SLC8A3: variants seen among roughly 807,000 people sequenced by gnomAD.
SLC8A3 encodes the protein sodium/calcium exchanger 3.
A neutral mutation model predicts 65.4 loss-of-function variants in SLC8A3; 37 were observed. That is an observed-to-expected ratio of 0.57 (90% CI 0.44 to 0.74). The LOEUF is 0.74. Among genes scored for constraint, SLC8A3 ranks in the 30% least tolerant of loss-of-function variants. SLC8A3 has a pLI of 0.00. For missense variants in SLC8A3, 1,112 were observed against 1,172.1 expected (o/e 0.95, Z 0.75); for synonymous variants, 461 against 444.5 (o/e 1.04, Z -0.47).
At chr14:70,145,369 T>A (rs936891473) in intron 2 of SLC8A3, among the ~76,000 whole-genome samples, 1 of 152,226 alleles carries the variant, frequency 6.6e-6, no homozygotes, top group Non-Finnish European at 1.5e-5. Context: ...TTAAATTCAA[T>A]ACATCATTGC....
chr14:70,051,049 G>C lies in SLC8A3; in HGVS notation c.2072C>G (p.Ser691Cys). The change falls in exon 5 of 7, where the codon TCC becomes TGC. Residue 691 changes from serine (S) to cysteine (C), a missense_variant. Coordinates refer to ENST00000356921, the MANE Select transcript of SLC8A3 (RefSeq NM_182932.3). The stretch of plus-strand genomic sequence containing the variant: ...GGCCTCCATGAACTGGTCCCTCCAG[G>C]AATGGGTCCCCACAACCAAGGCCAG... ...TNLALVVGTH[S>C]WRDQFMEAIT... is the part of the protein sequence containing the mutation. The C allele has an allele frequency of 6.2e-7, 1 of 1,613,590 alleles. No homozygotes were observed. Among genetic ancestry groups the C allele is most frequent in the Non-Finnish European group, 8.5e-7 (1 of 1,179,588 alleles).
At chr14:70,135,220 T>A (rs1305483955) in intron 2 of SLC8A3, among the ~76,000 whole-genome samples, 9 of 152,184 alleles carry the variant, frequency 5.9e-5, no homozygotes, top group Admixed American at 5.9e-4. Flanking sequence ...GAATGGCTAT[T>A]ATCAAAAAGA....
intron 2 of SLC8A3, among the ~76,000 whole-genome samples, chr14:70,124,102 C>G (rs181187091): frequency 6.6e-6 from 1 of 152,262 alleles, no homozygotes; most frequent in East Asian, 1.9e-4. Context: ...ATAAACACCC[C>G]CATTTTACAG....
At chr14:70,129,798 A>G (rs985249837) in intron 2 of SLC8A3, among the ~76,000 whole-genome samples, 6 of 152,342 alleles carry the variant, frequency 3.9e-5, no homozygotes, top group Non-Finnish European at 7.4e-5. Flanking sequence ...AGGCAGAGAA[A>G]GGAGGGCATG....
intron 1 of SLC8A3, among the ~76,000 whole-genome samples, chr14:70,173,811 C>G (rs1897698675): frequency 6.6e-6 from 1 of 152,168 alleles, no homozygotes; most frequent in Non-Finnish European, 1.5e-5. Flanking sequence ...GCAGTCCTGT[C>G]CTCGGCAATA....
intron 5 of SLC8A3, among the ~76,000 whole-genome samples, chr14:70,050,154 A>G (rs1263834986): frequency 6.6e-6 from 1 of 151,966 alleles, no homozygotes; most frequent in Non-Finnish European, 1.5e-5. Context: ...AGCAGGGTAG[A>G]TGATGTGGCC....
At position 70,069,986 on chromosome 14, in the gene SLC8A3, A is replaced by G. The variant is rs537349279; in HGVS notation, c.1785-9047T>C. 1.1e-4 allele frequency among the ~76,000 whole-genome samples: 16 copies of G among 152,162 alleles called. No homozygotes were observed. In the South Asian group the frequency reaches 3.1e-3, roughly 30 times the overall value. The stretch of plus-strand genomic sequence containing the variant: ...AAGATCCCCTGGAGAAGTCGCTCTG[A>G]CTCTATTAAAGACCCAGGGAAAGAG... On this transcript the variant is annotated intron_variant, in intron 2 of 6. Transcript: ENST00000356921.
intron 2 of SLC8A3, among the ~76,000 whole-genome samples, chr14:70,063,607 C>T (rs4902772): frequency 0.29 from 44,585 of 152,022 alleles, 6,690 homozygotes; most frequent in East Asian, 0.44. Flanking sequence ...TGCCATGTGT[C>T]AGGCTGGCAG....
intron 2 of SLC8A3, among the ~76,000 whole-genome samples, chr14:70,130,463 A>G (rs1356823579): frequency 1.3e-5 from 2 of 152,058 alleles, no homozygotes; most frequent in African/African-American, 4.8e-5. Context: ...TACAAATGAT[A>G]TTTCTCAGGA....
Position 70,167,806 on chromosome 14 carries a change from G to T in SLC8A3, c.617C>A (p.Thr206Asn), listed in dbSNP as rs1261159035. 1.9e-6 allele frequency: 3 copies of T among 1,614,132 alleles called. No individual in the cohort carries two copies. Among genetic ancestry groups the T allele is most frequent in the Non-Finnish European group, 2.5e-6 (3 of 1,180,016 alleles). The change falls in exon 2 of 7, where the codon ACC becomes AAC. Residue 206 changes from threonine (T) to asparagine (N), a missense_variant. Physicochemically the swap from Thr to Asn is moderately conservative, Grantham distance 65. Coordinates refer to ENST00000356921, the MANE Select transcript of SLC8A3 (RefSeq NM_182932.3). ...KIKHLRVFFI[T>N]AAWSIFAYIW... is the part of the protein sequence containing the mutation. ...GTAGGCAAAGATACTCCAAGCAGCG[G>T]TGATGAAGAAGACTCGTAGATGCTT...
intron 2 of SLC8A3, among the ~76,000 whole-genome samples, chr14:70,076,445 G>A (rs1281245958): frequency 1.3e-5 from 2 of 152,202 alleles, no homozygotes; most frequent in Non-Finnish European, 2.9e-5. Flanking sequence ...TATATTTGTT[G>A]AATGAATGCA....
intron 2 of SLC8A3, among the ~76,000 whole-genome samples, chr14:70,095,543 T>C (rs1892116009): frequency 6.6e-6 from 1 of 152,220 alleles, no homozygotes; most frequent in African/African-American, 2.4e-5. Context: ...CCCATAGACC[T>C]GGCAGTTGCA....
chr14:70,115,997 C>T (rs1025013515), intron 2 of SLC8A3, among the ~76,000 whole-genome samples: 2 of 152,238 alleles, frequency 1.3e-5, no homozygotes, highest in East Asian at 3.9e-4. Flanking sequence ...CTTTGTCAGA[C>T]GCCTTCCAAT....
chr14:70,104,978 T>A (rs532840426), intron 2 of SLC8A3, among the ~76,000 whole-genome samples: 1 of 151,990 alleles, frequency 6.6e-6, no homozygotes, highest in Admixed American at 6.6e-5. Flanking sequence ...ATAATGTAGA[T>A]AAAAAATAGG....
chr14:70,176,357 T>A (rs1897909398), intron 1 of SLC8A3, among the ~76,000 whole-genome samples: 1 of 152,218 alleles, frequency 6.6e-6, no homozygotes, highest in Non-Finnish European at 1.5e-5. Flanking sequence ...TGGCTGTACA[T>A]CTGAATAACC....
In SLC8A3 at chr14:70,072,375, T is replaced by A. The variant is rs376617336; in HGVS notation, c.1785-11436A>T. ...GATCACTCACTCTGTTTCCCAAAGG[T>A]CAGGGCAAAAAGAGGGAATTTCTAA... On this transcript the variant is annotated intron_variant, in intron 2 of 6. Transcript: ENST00000356921. Among the ~76,000 whole-genome samples, 14 of 151,942 alleles carry A rather than the reference T, an allele frequency of 9.2e-5. No individual in the cohort carries two copies. The East Asian group carries it at 9.6e-4, about 10-fold the overall frequency.
chr14:70,085,916 A>G (rs1398600025), intron 2 of SLC8A3, among the ~76,000 whole-genome samples: 2 of 152,232 alleles, frequency 1.3e-5, no homozygotes, highest in African/African-American at 4.8e-5. Context: ...ACTGAGGCAC[A>G]AGAAGGTTAA....
chr14:70,107,946 A>C (rs1204722716), intron 2 of SLC8A3, among the ~76,000 whole-genome samples: 1 of 152,060 alleles, frequency 6.6e-6, no homozygotes, highest in African/African-American at 2.4e-5. Context: ...GATGTTTGGC[A>C]TCCGTGCATG....
At chr14:70,161,625 T>C (rs1220875016) in intron 2 of SLC8A3, among the ~76,000 whole-genome samples, 1 of 151,150 alleles carries the variant, frequency 6.6e-6, no homozygotes, top group African/African-American at 2.4e-5. Flanking sequence ...CACCTCTACT[T>C]GACTCTCATC....
Sources: gnomAD v4.1 joint callset for allele counts (sites outside exome capture counted in the v4.1 genomes callset) on GRCh38, gnomAD v4.1.1 for gene constraint, MANE v1.5 for transcripts, NCBI Gene and HGNC (gene_info 2026-07-23, HGNC 2026-07-21) for gene names.